Variants in ARHGAP26 observed in about 807,000 individuals in gnomAD.
ARHGAP26 encodes the protein rho GTPase-activating protein 26.
In ARHGAP26, 38 loss-of-function variants were observed where a neutral mutation model predicts 104.8. That is an observed-to-expected ratio of 0.36 (90% CI 0.28 to 0.48). The LOEUF is 0.48. Ranked by LOEUF, ARHGAP26 falls within the 20% of genes least tolerant of loss-of-function variation. The pLI, the probability that ARHGAP26 is intolerant of heterozygous loss-of-function variation, is 0.99. For synonymous variants in ARHGAP26, 341 were observed against 340.0 expected, an observed-to-expected ratio of 1.00 and a Z score of -0.03; for missense variants, 704 against 947.9, an observed-to-expected ratio of 0.74 and a Z score of 3.38.
intron 11 of ARHGAP26, among the ~76,000 whole-genome samples, chr5:142,977,572 T>C (rs1773304607): frequency 6.6e-6 from 1 of 152,138 alleles, no homozygotes; most frequent in Admixed American, 6.5e-5. Context: ...CTTTGGACAT[T>C]TGCCTCCAGT....
intron 11 of ARHGAP26, among the ~76,000 whole-genome samples, chr5:142,985,348 G>T (rs984792062): frequency 6.6e-6 from 1 of 152,136 alleles, no homozygotes; most frequent in Non-Finnish European, 1.5e-5. Flanking sequence ...AATAACTTTA[G>T]TGTAGCCTAA....
intron 11 of ARHGAP26, among the ~76,000 whole-genome samples, chr5:142,952,510 C>A (rs904165626): frequency 1.3e-5 from 2 of 152,036 alleles, no homozygotes; most frequent in Admixed American, 6.6e-5. Flanking sequence ...AGCCTTGATA[C>A]CTTGGTGGAG....
chr5:143,211,858 T>C (rs1809519431), intron 21 of ARHGAP26, among the ~76,000 whole-genome samples: 1 of 152,228 alleles, frequency 6.6e-6, no homozygotes, highest in African/African-American at 2.4e-5. Flanking sequence ...CCTAGTTTGT[T>C]ATTTTTTAAC....
chr5:143,216,207 A>T (rs1398168483), intron 22 of ARHGAP26: 2 of 471,482 alleles, frequency 4.2e-6, no homozygotes, highest in East Asian at 1.4e-4. Context: ...TTCAGCTTCC[A>T]CAGCCATCTT....
chr5:142,935,966 C>G (rs1342772019), intron 11 of ARHGAP26, among the ~76,000 whole-genome samples: 1 of 152,092 alleles, frequency 6.6e-6, no homozygotes, highest in Non-Finnish European at 1.5e-5. Context: ...GCTGTCACCA[C>G]TCTTACTCAG....
chr5:142,915,800 CT>C (rs1762395871), intron 10 of ARHGAP26: 1 of 152,210 alleles, frequency 6.6e-6, no homozygotes, highest in Non-Finnish European at 1.5e-5. Context: ...CAGTGCCTTT[CT>C]GTTTTTTTTC....
intron 11 of ARHGAP26, among the ~76,000 whole-genome samples, chr5:142,941,074 CAAAAAAAAAAAAA>C (rs1162903888): frequency 7.3e-5 from 2 of 27,244 alleles, no homozygotes; most frequent in Non-Finnish European, 1.3e-4. Flanking sequence ...GACTCCATCT[CAAAAAAAAAAAAA>C]AAAAAAAAAA....
At chr5:142,909,739 C>A (rs1206718050) in intron 9 of ARHGAP26, among the ~76,000 whole-genome samples, 1 of 152,148 alleles carries the variant, frequency 6.6e-6, no homozygotes, top group East Asian at 1.9e-4. Context: ...GAAATGGAAA[C>A]AGAGTTGTGC....
At chr5:142,895,440 C>T (rs1344316563) in intron 6 of ARHGAP26, among the ~76,000 whole-genome samples, 1 of 152,046 alleles carries the variant, frequency 6.6e-6, no homozygotes, top group African/African-American at 2.4e-5. Context: ...CCATGTTGGC[C>T]AGGATGGTCT....
At chr5:142,903,472 A>T in intron 7 of ARHGAP26, 68 bp from the exon 8 acceptor site, 1 of 1,520,698 alleles carries the variant, frequency 6.6e-7, no homozygotes, top group East Asian at 2.3e-5. Flanking sequence ...GGATTCTATT[A>T]GGTTGATCTG....
At chr5:143,056,933 T>C (rs1785913865) in intron 16 of ARHGAP26, among the ~76,000 whole-genome samples, 1 of 152,216 alleles carries the variant, frequency 6.6e-6, no homozygotes, top group Non-Finnish European at 1.5e-5. Context: ...TTATGTCATT[T>C]CTTTCTAGAG....
chr5:142,819,990 T>C (rs1231872913), intron 1 of ARHGAP26, among the ~76,000 whole-genome samples: 1 of 152,204 alleles, frequency 6.6e-6, no homozygotes, highest in African/African-American at 2.4e-5. Flanking sequence ...TACTTACCGG[T>C]CTGCCGTTGT....
At chr5:142,934,480 T>C (rs1765143095) in intron 11 of ARHGAP26, among the ~76,000 whole-genome samples, 1 of 152,252 alleles carries the variant, frequency 6.6e-6, no homozygotes, top group Non-Finnish European at 1.5e-5. Context: ...GTCTGTGTAA[T>C]TGACAGTAAT....
At chr5:142,782,303 G>A (rs1177705680) in intron 1 of ARHGAP26, among the ~76,000 whole-genome samples, 1 of 152,176 alleles carries the variant, frequency 6.6e-6, no homozygotes, top group East Asian at 1.9e-4. Context: ...AGGAAGATGA[G>A]GGCTACAGGT....
At chr5:143,187,886 A>G (rs1296168466) in intron 20 of ARHGAP26, among the ~76,000 whole-genome samples, 2 of 152,184 alleles carry the variant, frequency 1.3e-5, no homozygotes, top group African/African-American at 4.8e-5. Context: ...GCAGAGAGAA[A>G]CATTTTGCTC....
At chr5:142,982,152 G>A (rs1487276290) in intron 11 of ARHGAP26, among the ~76,000 whole-genome samples, 1 of 152,152 alleles carries the variant, frequency 6.6e-6, no homozygotes, top group East Asian at 1.9e-4. Context: ...ATCTAAGTCC[G>A]TTTCCTGCCT....
chr5:143,082,735 A>G (rs1790000233), intron 17 of ARHGAP26, among the ~76,000 whole-genome samples: 1 of 152,266 alleles, frequency 6.6e-6, no homozygotes, highest in Non-Finnish European at 1.5e-5. Context: ...GGAGTTGTAT[A>G]TAGCTCACTT....
chr5:142,978,685 A>G (rs10042944), intron 11 of ARHGAP26, among the ~76,000 whole-genome samples: 8 of 152,034 alleles, frequency 5.3e-5, no homozygotes, highest in African/African-American at 1.9e-4. Flanking sequence ...CCACCTCTTG[A>G]ACACCCTATA....
intron 1 of ARHGAP26, among the ~76,000 whole-genome samples, chr5:142,812,589 C>T (rs557536091): frequency 4.6e-5 from 7 of 152,258 alleles, no homozygotes; most frequent in South Asian, 2.1e-4. Flanking sequence ...CCTCCTGCCT[C>T]GGCCTCCCAA....
Sources: gnomAD v4.1 joint callset for allele counts (sites outside exome capture counted in the v4.1 genomes callset) on GRCh38, gnomAD v4.1.1 for gene constraint, MANE v1.5 for transcripts, NCBI Gene and HGNC (gene_info 2026-07-23, HGNC 2026-07-21) for gene names.